PDE1C: variants seen among roughly 807,000 people sequenced by gnomAD.
PDE1C encodes phosphodiesterase 1C.
Under a neutral mutation model 93.1 loss-of-function variants are expected in PDE1C, and 62 were observed. The observed-to-expected ratio is 0.67, with a 90% CI of 0.54 to 0.82. PDE1C has a LOEUF of 0.82. Among genes scored for constraint, PDE1C ranks in the 40% least tolerant of loss-of-function variants. The pLI, the probability that PDE1C is intolerant of heterozygous loss-of-function variation, is 0.00. For synonymous variants in PDE1C, 325 were observed against 310.1 expected, an observed-to-expected ratio of 1.05 and a Z score of -0.50; for missense variants, 742 against 884.6, an observed-to-expected ratio of 0.84 and a Z score of 2.04.
At position 32,394,730 on chromosome 7, in the gene PDE1C, C is replaced by A. The variant is rs115886348; in HGVS notation, c.310+33092G>T. On this transcript the variant is annotated intron_variant, in intron 1 of 1. Coordinates refer to the PDE1C transcript ENST00000672256. ...GGTTGAGGTGGAGGTGGAAGGATAG[C>A]TTGAGCCCAGGAGGCTAAGACTGCA... is the stretch of plus-strand genomic sequence containing the variant. Among the ~76,000 whole-genome samples the A allele has an allele frequency of 2.7e-3, 414 of 152,298 alleles. 2 individuals are homozygous for A. Among genetic ancestry groups the A allele is most frequent in the African/African-American group, 9.5e-3 (395 of 41,556 alleles).
intron 1 of PDE1C, among the ~76,000 whole-genome samples, chr7:32,259,371 A>G (rs1810029425): frequency 6.6e-6 from 1 of 152,138 alleles, no homozygotes. Flanking sequence ...ATATGGCTGA[A>G]TAAGTGCCCA....
chr7:31,907,361 T>C (rs1800730217), intron 2 of PDE1C, among the ~76,000 whole-genome samples: 1 of 152,044 alleles, frequency 6.6e-6, no homozygotes, highest in Non-Finnish European at 1.5e-5. Context: ...AATCAGCAAG[T>C]ATAAAAGATT....
At chr7:32,260,014 C>G (rs1019496213) in intron 1 of PDE1C, among the ~76,000 whole-genome samples, 7 of 152,178 alleles carry the variant, frequency 4.6e-5, no homozygotes, top group African/African-American at 1.4e-4. Context: ...TGTTCCCAAA[C>G]AGGTGTCATC....
intron 2 of PDE1C, among the ~76,000 whole-genome samples, chr7:32,187,388 C>A (rs1803953861): frequency 6.6e-6 from 1 of 152,062 alleles, no homozygotes; most frequent in African/African-American, 2.4e-5. Context: ...CCACTTACTC[C>A]TATGTGTCTG....
At chr7:31,983,771 CTGAT>C (rs1783002261) in intron 2 of PDE1C, among the ~76,000 whole-genome samples, 1 of 152,146 alleles carries the variant, frequency 6.6e-6, no homozygotes, top group Non-Finnish European at 1.5e-5. Flanking sequence ...TTAAAACCCT[CTGAT>C]TTATCATTCC....
chr7:31,841,517 C>T (rs1005737026), intron 9 of PDE1C, among the ~76,000 whole-genome samples: 20 of 152,042 alleles, frequency 1.3e-4, no homozygotes, highest in African/African-American at 4.3e-4. Flanking sequence ...CACACATGCA[C>T]TTTATCCAGT....
intron 2 of PDE1C, among the ~76,000 whole-genome samples, chr7:31,942,441 T>C (rs1805981187): frequency 2.0e-5 from 3 of 152,126 alleles, no homozygotes; most frequent in South Asian, 2.1e-4. Context: ...TCTATGAACC[T>C]GGCAGGATGT....
chr7:31,732,634 C>CGTG, the PDE1C span, among the ~76,000 whole-genome samples: 5 of 72,844 alleles, frequency 6.9e-5, no homozygotes, highest in African/African-American at 3.6e-4. Flanking sequence ...TCTCTCCTCT[C>CGTG]TTTCTGTGTG....
chr7:31,968,386 G>C (rs1327282967), intron 2 of PDE1C, among the ~76,000 whole-genome samples: 8 of 151,712 alleles, frequency 5.3e-5, no homozygotes, highest in African/African-American at 1.9e-4. Context: ...AAAATACCTA[G>C]GAATCCAACT....
chr7:32,035,961 C>A lies in PDE1C; in HGVS notation c.128+15593G>T, dbSNP rs17337005. On this transcript the variant is annotated intron_variant, in intron 2 of 17. Transcript: ENST00000396191. The stretch of plus-strand genomic sequence containing the variant: ...CATCTTGACCCCCTTGGATAATGAA[C>A]AAGAAGGACAGCCTGGCCTGTGAAG... 9.9e-3 allele frequency among the ~76,000 whole-genome samples: 1,513 copies of A among 152,242 alleles called. 18 individuals carry two copies. Among genetic ancestry groups the A allele is most frequent in the South Asian group, 0.055 (265 of 4,816 alleles).
In PDE1C at chr7:31,752,131, G is replaced by T. The variant is rs758815204; in HGVS notation, c.*1253C>A. 6 of 152,134 alleles carry T rather than the reference G, an allele frequency of 3.9e-5. No individual in the cohort carries two copies. The highest frequency in any genetic ancestry group is 7.4e-5 in the Non-Finnish European group (5 of 68,024). The allele number at this position is 152,134 out of a possible 1,614,324, so 9.4% of individuals were successfully genotyped here. On this transcript the variant is annotated 3_prime_UTR_variant, in exon 18 of 18. Coordinates refer to ENST00000396191, the MANE Select transcript of PDE1C (RefSeq NM_001191057.4). ...CAAAAAATTATGCCATCCGAGCAAGGACCTGCAACTAGTTATAGACAGAAT... is the reference window on the plus strand; with the variant it reads ...CAAAAAATTATGCCATCCGAGCAAGTACCTGCAACTAGTTATAGACAGAAT...
At chr7:31,642,508 G>A in the PDE1C span, among the ~76,000 whole-genome samples, 149,082 of 152,310 alleles carry the variant, frequency 0.98, 72,969 homozygotes, top group East Asian at 1. Context: ...TAAGCAAGGA[G>A]GCTGAGCCTC....
rs71559206 is a variant in PDE1C, at chr7:31,875,793, CTATATATATATA to C, written c.492+2165_492+2176del. Among the ~76,000 whole-genome samples the C allele has an allele frequency of 3.5e-3, 149 of 43,108 alleles. 5 individuals are homozygous for C. The highest frequency in any genetic ancestry group is 6.9e-3 in the African/African-American group (97 of 13,974). 28.3% of individuals were successfully genotyped at this position (43,108 alleles called of 152,430 possible). ...AACACCTCAAGTTAGAAGCTTACAT[CTATATATATATA>C]TATATATATATATATATATATATAT... On this transcript the variant is annotated intron_variant, in intron 5 of 17. Coordinates refer to ENST00000396191, the MANE Select transcript of PDE1C (RefSeq NM_001191057.4).
intron 6 of PDE1C, among the ~76,000 whole-genome samples, chr7:31,866,224 A>C (rs963674207): frequency 1.3e-5 from 2 of 152,178 alleles, no homozygotes; most frequent in African/African-American, 4.8e-5. Flanking sequence ...AAAATAAGGA[A>C]AATGCTAAGT....
chr7:31,775,706 G>T lies in PDE1C; in HGVS notation c.1918C>A (p.Pro640Thr). The T allele has an allele frequency of 1.2e-6, 2 of 1,612,856 alleles. No homozygotes were observed. The highest frequency in any genetic ancestry group is 1.7e-6 in the Non-Finnish European group (2 of 1,179,856). The change falls in exon 17 of 18, where the codon CCA (proline) becomes ACA (threonine). Residue 640 changes from proline (P) to threonine (T), a missense_variant. Around this residue, in one of 4 missense-constraint regions of PDE1C, gnomAD observed 454 missense variants for 459.4 expected, o/e 0.99. Transcript: ENST00000396191. ...CACGTGGAGCTGGTGCTTGGGGCTG[G>T]TGAGCCGTGAGAACGCTGTTTTGTG... ...DGTKQRSHGS[P>T]APSTSSTCRL...
At position 31,837,064 on chromosome 7, in the gene PDE1C, CT is replaced by C. The variant is rs995371262; in HGVS notation, c.1203+115del. The stretch of plus-strand genomic sequence containing the variant: ...AGGCAAAATAATCTGTGGAGCCCCC[CT>C]CCCCTCTCCAAAATTACTGTAATCT... On this transcript the variant is annotated intron_variant, in intron 11 of 17. Coordinates refer to ENST00000396191, the MANE Select transcript of PDE1C (RefSeq NM_001191057.4). 1.7e-5 allele frequency: 17 copies of C among 997,260 alleles called. No homozygotes were observed. In the African/African-American group the frequency reaches 2.3e-4, roughly 14 times the overall value. The allele number at this position is 997,260 out of a possible 1,614,324, so 61.8% of individuals were successfully genotyped here.
At chr7:31,919,292 A>G (rs1583966760) in intron 2 of PDE1C, among the ~76,000 whole-genome samples, 1 of 152,142 alleles carries the variant, frequency 6.6e-6, no homozygotes, top group Non-Finnish European at 1.5e-5. Context: ...GGGTTCAAAT[A>G]CCACCTCTGC....
the PDE1C span, among the ~76,000 whole-genome samples, chr7:31,738,161 G>C: frequency 1.1e-4 from 16 of 152,178 alleles, no homozygotes; most frequent in Non-Finnish European, 1.5e-5. Context: ...AGGAAGAGTC[G>C]AGGGTGAGGT....
At chr7:32,193,516 T>C (rs952133183) in intron 2 of PDE1C, among the ~76,000 whole-genome samples, 2 of 152,208 alleles carry the variant, frequency 1.3e-5, no homozygotes, top group Admixed American at 6.5e-5. Context: ...TTGTGTGGCA[T>C]AGACTTTGTT....
Sources: gnomAD v4.1 joint callset for allele counts (sites outside exome capture counted in the v4.1 genomes callset) on GRCh38, gnomAD v4.1.1 for gene constraint, gnomAD v4.1.1 regional missense constraint, MANE v1.5 for transcripts, NCBI Gene and HGNC (gene_info 2026-07-23, HGNC 2026-07-21) for gene names.